ATE1: variants seen among roughly 807,000 people sequenced by gnomAD.
ATE1 encodes the protein arginyl-tRNA--protein transferase 1.
ATE1 carries 36 observed loss-of-function variants against 70.5 expected under a neutral mutation model. That is an observed-to-expected ratio of 0.51 (90% CI 0.39 to 0.67). The LOEUF (loss-of-function observed/expected upper bound fraction) is 0.67, where lower values mean the gene tolerates loss of function less well. ATE1 is among the 30% of genes least tolerant of loss of function. ATE1 has a pLI of 0.00. For missense variants in ATE1, 593 were observed against 629.5 expected, an observed-to-expected ratio of 0.94 and a Z score of 0.62; for synonymous variants, 232 against 219.3, an observed-to-expected ratio of 1.06 and a Z score of -0.51.
intron 11 of ATE1, among the ~76,000 whole-genome samples, chr10:121,785,211 C>T (rs1012492815): frequency 1.3e-5 from 2 of 152,086 alleles, no homozygotes; most frequent in African/African-American, 4.8e-5. Context: ...ATTTTACCTT[C>T]AGAAGTATTA....
At chr10:121,808,934 G>A (rs1000519670) in intron 10 of ATE1, among the ~76,000 whole-genome samples, 4 of 152,132 alleles carry the variant, frequency 2.6e-5, no homozygotes, top group Non-Finnish European at 5.9e-5. Context: ...CTCTTTTGAT[G>A]TATCTTGCAC....
intron 11 of ATE1, among the ~76,000 whole-genome samples, chr10:121,753,804 G>A (rs1029097840): frequency 5.3e-5 from 8 of 152,156 alleles, no homozygotes; most frequent in Non-Finnish European, 1.0e-4. Flanking sequence ...TGAAAGAAAC[G>A]TAAATTAAAA....
At chr10:121,906,485 T>C (rs945519368) in intron 5 of ATE1, among the ~76,000 whole-genome samples, 2 of 151,728 alleles carry the variant, frequency 1.3e-5, no homozygotes, top group African/African-American at 4.8e-5. Context: ...GTCCTGATCG[T>C]GTCACTACAC....
chr10:121,795,221 C>T (rs1354860177), intron 10 of ATE1, among the ~76,000 whole-genome samples: 1 of 152,006 alleles, frequency 6.6e-6, no homozygotes, highest in African/African-American at 2.4e-5. Context: ...GCACTCCAGC[C>T]TGGGCAATGG....
chr10:121,921,010 A>C (rs529250599), intron 3 of ATE1, among the ~76,000 whole-genome samples: 3 of 152,250 alleles, frequency 2.0e-5, no homozygotes, highest in East Asian at 3.9e-4. Flanking sequence ...AAAAAAAAAA[A>C]AAAACTGGAC....
intron 6 of ATE1, among the ~76,000 whole-genome samples, chr10:121,902,189 T>A (rs751715937): frequency 1.3e-5 from 2 of 151,244 alleles, no homozygotes; most frequent in Non-Finnish European, 2.9e-5. Flanking sequence ...AAAAGTCTTT[T>A]AAAAAAAAAG....
At chr10:121,749,690 G>C (rs1944504958) in intron 11 of ATE1, among the ~76,000 whole-genome samples, 2 of 152,178 alleles carry the variant, frequency 1.3e-5, no homozygotes, top group South Asian at 4.1e-4. Flanking sequence ...AAGTAACATA[G>C]AAATAAACAA....
intron 10 of ATE1, among the ~76,000 whole-genome samples, chr10:121,811,386 C>T (rs936239483): frequency 6.6e-6 from 1 of 152,206 alleles, no homozygotes; most frequent in African/African-American, 2.4e-5. Context: ...TACCGGTATT[C>T]TTTGTACTAT....
At chr10:121,829,464 C>A (rs1296007816) in intron 10 of ATE1, among the ~76,000 whole-genome samples, 1 of 149,850 alleles carries the variant, frequency 6.7e-6, no homozygotes, top group Non-Finnish European at 1.5e-5. Flanking sequence ...AAAAATCGCT[C>A]CTGGCAAGGC....
intron 10 of ATE1, among the ~76,000 whole-genome samples, chr10:121,796,563 A>T (rs2133335269): frequency 6.6e-6 from 1 of 152,358 alleles, no homozygotes; most frequent in Non-Finnish European, 1.5e-5. Flanking sequence ...TTAATGTTTT[A>T]CACAAAGTAG....
chr10:121,867,107 C>T (rs1024284071), intron 8 of ATE1, among the ~76,000 whole-genome samples: 1 of 152,126 alleles, frequency 6.6e-6, no homozygotes, highest in Non-Finnish European at 1.5e-5. Context: ...CTTAGCCCCA[C>T]CAAATTCATT....
At chr10:121,774,861 A>C (rs1945669611) in intron 11 of ATE1, among the ~76,000 whole-genome samples, 2 of 152,230 alleles carry the variant, frequency 1.3e-5, no homozygotes, top group Admixed American at 1.3e-4. Flanking sequence ...AAGATTAAAA[A>C]AAGAAATGAA....
At chr10:121,924,241 G>A (rs1399244960) in intron 2 of ATE1, 25 bp downstream of exon 2, 3 of 1,605,396 alleles carry the variant, frequency 1.9e-6, no homozygotes, top group African/African-American at 1.3e-5. Flanking sequence ...ACAGTAGGAA[G>A]TCTCTTTGTA....
chr10:121,792,128 A>G (rs576401877), intron 10 of ATE1, among the ~76,000 whole-genome samples: 107 of 14,404 alleles, frequency 7.4e-3, no homozygotes, highest in Non-Finnish European at 0.037. Context: ...TTTATTGAGG[A>G]CTTAAGACTG....
intron 7 of ATE1, among the ~76,000 whole-genome samples, chr10:121,893,864 G>A (rs1204859368): frequency 6.6e-6 from 1 of 152,164 alleles, no homozygotes; most frequent in Non-Finnish European, 1.5e-5. Flanking sequence ...AAGGCTGGGT[G>A]CGGTGGCTCA....
At chr10:121,905,780 C>T (rs533966973) in intron 5 of ATE1, among the ~76,000 whole-genome samples, 83 of 151,962 alleles carry the variant, frequency 5.5e-4, no homozygotes, top group Non-Finnish European at 8.5e-4. Flanking sequence ...AGGAGGTAGA[C>T]GCTGCAGCAA....
chr10:121,836,236 C>G (rs1337982072), intron 10 of ATE1, among the ~76,000 whole-genome samples: 1 of 152,074 alleles, frequency 6.6e-6, no homozygotes, highest in Non-Finnish European at 1.5e-5. Flanking sequence ...CACTGTATAC[C>G]CTGGTTTGAT....
At chr10:121,745,998 T>TA (rs1251855931) in intron 11 of ATE1, among the ~76,000 whole-genome samples, 1 of 152,134 alleles carries the variant, frequency 6.6e-6, no homozygotes, top group Non-Finnish European at 1.5e-5. Context: ...AAGTCCAATA[T>TA]AAAAAATCTG....
At chr10:121,785,018 T>G (rs7078063) in intron 11 of ATE1, among the ~76,000 whole-genome samples, 144,538 of 152,200 alleles carry the variant, frequency 0.95, 68,824 homozygotes, top group Non-Finnish European at 0.98. Context: ...TTTTCTTGTT[T>G]CAATGGTTTC....
Sources: gnomAD v4.1 joint callset for allele counts (sites outside exome capture counted in the v4.1 genomes callset) on GRCh38, gnomAD v4.1.1 for gene constraint, MANE v1.5 for transcripts, NCBI Gene and HGNC (gene_info 2026-07-23, HGNC 2026-07-21) for gene names.